The following XKR3 variants were observed in gnomAD, a reference collection of about 807,000 sequenced individuals.
XKR3 encodes the protein XK related 3, also known as XK-related protein 3.
Under a neutral mutation model 40.3 loss-of-function variants are expected in XKR3, and 27 were observed. The observed-to-expected ratio is 0.67, with a 90% CI of 0.49 to 0.92. The LOEUF (loss-of-function observed/expected upper bound fraction) is 0.92. Ranked by LOEUF, XKR3 falls within the 40% of genes least tolerant of loss-of-function variation. The pLI is 0.00. For missense variants in XKR3, 472 were observed against 537.6 expected (o/e 0.88, Z 1.21); for synonymous variants, 193 against 195.4 (o/e 0.99, Z 0.10).
At position 16,811,897 on chromosome 22, in the gene XKR3, T is replaced by C. The variant is rs557600002; in HGVS notation, c.-10-3814A>G. On this transcript the variant is annotated intron_variant, in intron 1 of 3. Transcript: ENST00000684488. The stretch of plus-strand genomic sequence containing the variant: ...GGTGGCGGGCACCTGTAGTTCCAAC[T>C]ACTCAGGAGGCTGAGGCAGGAGAAT... 1.4e-4 allele frequency among the ~76,000 whole-genome samples: 22 copies of C among 152,038 alleles called. No homozygotes were observed. The South Asian group carries it at 4.6e-3, about 32-fold the overall frequency.
At chr22:16,799,658 A>C in intron 3 of XKR3, 113 bp downstream of exon 3, 1 of 1,277,438 alleles carries the variant, frequency 7.8e-7, no homozygotes, top group Non-Finnish European at 1.1e-6. Flanking sequence ...ATCTTATAAA[A>C]AATTTAGTGC....
At position 16,811,844 on chromosome 22, in the gene XKR3, T is replaced by C. The variant is rs141200621; in HGVS notation, c.-10-3761A>G. Reference sequence around the variant, plus strand: ...TAACATGGTGAAACCCTGTTTCTACTAAAAATACAAAAAAATTATCCCAGC... The same window carrying C: ...TAACATGGTGAAACCCTGTTTCTACCAAAAATACAAAAAAATTATCCCAGC... On this transcript the variant is annotated intron_variant, in intron 1 of 3. Transcript: ENST00000684488. 7.3e-4 allele frequency among the ~76,000 whole-genome samples: 111 copies of C among 152,064 alleles called. No individual in the cohort carries two copies. In the East Asian group the frequency reaches 0.019, roughly 26 times the overall value.
In XKR3 at chr22:16,783,966, T is replaced by A; in HGVS notation, c.1033A>T (p.Ile345Phe). ...AAAAACTGAAAGCTGTAGTGTAGGATTCTATGGCCCCACCTCTGTCTCCCG... is the reference window on the plus strand; with the variant it reads ...AAAAACTGAAAGCTGTAGTGTAGGAATCTATGGCCCCACCTCTGTCTCCCG... Reference protein sequence around the residue: ...IDGRQRWGHRILHYSFQFLEN... With the variant: ...IDGRQRWGHRFLHYSFQFLEN... Residue 345 changes from isoleucine to phenylalanine, a missense_variant, in exon 4 of 4, where the codon ATC becomes TTC. By Grantham distance (21) the Ile-to-Phe change is conservative (BLOSUM62 0). Transcript: ENST00000684488. 6.2e-7 allele frequency: 1 copy of A among 1,614,218 alleles called. No homozygotes were observed. The highest frequency in any genetic ancestry group is 8.5e-7 in the Non-Finnish European group (1 of 1,180,038).
intron 3 of XKR3, among the ~76,000 whole-genome samples, chr22:16,786,256 G>GCGCGCACACACACACACACA (rs1555895915): frequency 1.3e-5 from 2 of 148,596 alleles, no homozygotes; most frequent in African/African-American, 5.0e-5. Flanking sequence ...CAAAACGCGT[G>GCGCGCACACACACACACACA]CACACACACA....
intron 1 of XKR3, among the ~76,000 whole-genome samples, chr22:16,816,933 G>A (rs1247266870): frequency 6.6e-6 from 1 of 151,910 alleles, no homozygotes; most frequent in Non-Finnish European, 1.5e-5. Context: ...TTGCAAGGAA[G>A]AGACTCATAC....
At chr22:16,802,419 T>C (rs2060173011) in intron 2 of XKR3, among the ~76,000 whole-genome samples, 2 of 152,148 alleles carry the variant, frequency 1.3e-5, no homozygotes, top group South Asian at 2.1e-4. Context: ...AGAAGATAAC[T>C]GAGAACATTT....
In XKR3 at chr22:16,821,055, T is replaced by C. The variant is rs1601853604; in HGVS notation, c.-11+4236A>G. Reference sequence around the variant, plus strand: ...AGATTTCAAGTAAATGGAAATATTATACAAAGATGTTAGAGTTAAGTCTTC... The same window carrying C: ...AGATTTCAAGTAAATGGAAATATTACACAAAGATGTTAGAGTTAAGTCTTC... On this transcript the variant is annotated intron_variant, in intron 1 of 3. Coordinates refer to ENST00000684488, the MANE Select transcript of XKR3 (RefSeq NM_001386955.1). 2.0e-5 allele frequency among the ~76,000 whole-genome samples: 3 copies of C among 152,294 alleles called. No individual in the cohort carries two copies. In the South Asian group the frequency reaches 6.2e-4, roughly 32 times the overall value.
At chr22:16,797,955 C>A (rs1322032205) in intron 3 of XKR3, among the ~76,000 whole-genome samples, 2 of 151,812 alleles carry the variant, frequency 1.3e-5, no homozygotes, top group East Asian at 3.9e-4. Context: ...GGGTGGATAA[C>A]CTGAGGTCAG....
intron 3 of XKR3, 92 bp from the exon 4 acceptor site, chr22:16,784,501 T>C (rs2060081812): frequency 8.7e-7 from 1 of 1,153,182 alleles, no homozygotes; most frequent in Non-Finnish European, 1.2e-6. Flanking sequence ...GATATATTCT[T>C]CCTCACCCAC....
chr22:16,809,449 C>CA (rs1421642574), intron 1 of XKR3, among the ~76,000 whole-genome samples: 2 of 152,166 alleles, frequency 1.3e-5, no homozygotes, highest in African/African-American at 4.8e-5. Context: ...TGGTGCTGAA[C>CA]TTTTTCTCTG....
intron 2 of XKR3, among the ~76,000 whole-genome samples, chr22:16,801,702 AAAC>A (rs2060169820): frequency 6.6e-6 from 1 of 151,802 alleles, no homozygotes; most frequent in South Asian, 2.1e-4. Context: ...AAAAAAAAGC[AAAC>A]AACAGAAAAG....
At chr22:16,812,360 C>A (rs1189042789) in intron 1 of XKR3, among the ~76,000 whole-genome samples, 1 of 152,116 alleles carries the variant, frequency 6.6e-6, no homozygotes, top group Non-Finnish European at 1.5e-5. Context: ...AGATAACTCA[C>A]ATAGTATAAC....
chr22:16,783,530 G>T lies in XKR3; in HGVS notation c.*89C>A, dbSNP rs1268038132. 6.7e-6 allele frequency: 7 copies of T among 1,038,856 alleles called. No individual in the cohort carries two copies. The South Asian group carries it at 1.0e-4, about 15-fold the overall frequency. The allele number at this position is 1,038,856 out of a possible 1,614,324, so 64.4% of individuals were successfully genotyped here. On this transcript the variant is annotated 3_prime_UTR_variant, in exon 4 of 4. Coordinates refer to ENST00000684488, the MANE Select transcript of XKR3 (RefSeq NM_001386955.1). ...TATTAGAAACCACTTCCAAGATTTT[G>T]CTGTGTATATTTTTTAAATTTAAGA... is the stretch of plus-strand genomic sequence containing the variant.
At chr22:16,815,091 G>A (rs73159896) in intron 1 of XKR3, among the ~76,000 whole-genome samples, 1 of 151,878 alleles carries the variant, frequency 6.6e-6, no homozygotes, top group Non-Finnish European at 1.5e-5. Context: ...TAGATTTGGG[G>A]TTTGTGTAGA....
At chr22:16,818,741 T>A (rs2060243827) in intron 1 of XKR3, among the ~76,000 whole-genome samples, 1 of 151,996 alleles carries the variant, frequency 6.6e-6, no homozygotes, top group African/African-American at 2.4e-5. Context: ...GCATTCCAAT[T>A]CCAATTCCCT....
chr22:16,820,666 C>T (rs1347838798), intron 1 of XKR3, among the ~76,000 whole-genome samples: 2 of 151,954 alleles, frequency 1.3e-5, no homozygotes, highest in Non-Finnish European at 2.9e-5. Flanking sequence ...GTACACAATA[C>T]AGAGACCATT....
chr22:16,811,222 C>T (rs2060211210), intron 1 of XKR3, among the ~76,000 whole-genome samples: 1 of 150,904 alleles, frequency 6.6e-6, no homozygotes, highest in Non-Finnish European at 1.5e-5. Context: ...CTCTTGGGTT[C>T]AGGCGATTTC....
chr22:16,818,045 A>T (rs552787079), intron 1 of XKR3, among the ~76,000 whole-genome samples: 2 of 152,098 alleles, frequency 1.3e-5, no homozygotes, highest in East Asian at 3.9e-4. Context: ...TTTATATGCT[A>T]TAAATCATTG....
chr22:16,811,670 G>T lies in XKR3; in HGVS notation c.-10-3587C>A, dbSNP rs527954093. On this transcript the variant is annotated intron_variant, in intron 1 of 3. Transcript: ENST00000684488. ...CAATTTATAATTTAATGTTGGTACT[G>T]CCAACTCCTTTCTAGATTCTGAACT... is the stretch of plus-strand genomic sequence containing the variant. Among the ~76,000 whole-genome samples, 40 of 152,200 alleles carry T rather than the reference G, an allele frequency of 2.6e-4. 1 individual carries two copies. In the South Asian group the frequency reaches 7.1e-3, roughly 27 times the overall value.
Sources: gnomAD v4.1 joint callset for allele counts (sites outside exome capture counted in the v4.1 genomes callset) on GRCh38, gnomAD v4.1.1 for gene constraint, MANE v1.5 for transcripts, NCBI Gene and HGNC (gene_info 2026-07-23, HGNC 2026-07-21) for gene names.